Variants in ESR1 observed in about 807,000 individuals in gnomAD.
ESR1 encodes estrogen receptor.
In ESR1, 12 loss-of-function variants were observed where a neutral mutation model predicts 52.7. That is an observed-to-expected ratio of 0.23 (90% CI 0.15 to 0.37). The LOEUF is 0.37. ESR1 is among the 10% of genes least tolerant of loss of function. The probability of loss-of-function intolerance (pLI) is 1.00; values close to 1 mark genes in which losing one functional copy is unlikely to be tolerated. For missense variants in ESR1, 584 were observed against 779.7 expected, an observed-to-expected ratio of 0.75 and a Z score of 2.99; for synonymous variants, 305 against 316.8, an observed-to-expected ratio of 0.96 and a Z score of 0.39.
At chr6:152,006,896 C>T (rs1453969312) in intron 4 of ESR1, among the ~76,000 whole-genome samples, 1 of 152,008 alleles carries the variant, frequency 6.6e-6, no homozygotes, top group Non-Finnish European at 1.5e-5. Flanking sequence ...TTGTAAATAG[C>T]ACTCCTCAGG....
At chr6:151,709,943 CTA>C (rs143049478) in intron 2 of ESR1, among the ~76,000 whole-genome samples, 3,095 of 151,510 alleles carry the variant, frequency 0.02, 35 homozygotes, top group East Asian at 0.032. Context: ...CTAAAAATTT[CTA>C]TGTTTTATTT....
chr6:151,994,529 T>C (rs2041306101), intron 4 of ESR1, among the ~76,000 whole-genome samples: 1 of 152,154 alleles, frequency 6.6e-6, no homozygotes, highest in Non-Finnish European at 1.5e-5. Flanking sequence ...AGATAGACCG[T>C]AAGGGTGAGC....
At chr6:152,009,256 C>A (rs565348198) in intron 4 of ESR1, among the ~76,000 whole-genome samples, 1 of 152,204 alleles carries the variant, frequency 6.6e-6, no homozygotes, top group Non-Finnish European at 1.5e-5. Flanking sequence ...TGGAAAGACA[C>A]CTGCTCTGAG....
At chr6:152,085,659 TC>T (rs1240183325) in intron 6 of ESR1, among the ~76,000 whole-genome samples, 16 of 151,942 alleles carry the variant, frequency 1.1e-4, no homozygotes, top group Admixed American at 9.2e-4. Flanking sequence ...ACACTAGACC[TC>T]TCACAAAGTG....
chr6:151,665,268 G>A (rs746326270), intron 1 of ESR1, among the ~76,000 whole-genome samples: 7 of 152,148 alleles, frequency 4.6e-5, no homozygotes, highest in Non-Finnish European at 1.0e-4. Flanking sequence ...AAAGGTCAGA[G>A]GATTCACAGG....
chr6:152,072,870 G>A (rs1562754322), intron 6 of ESR1, among the ~76,000 whole-genome samples: 3 of 152,222 alleles, frequency 2.0e-5, no homozygotes, highest in Admixed American at 6.5e-5. Flanking sequence ...TCCTTGAATA[G>A]CAAGTATTAA....
At chr6:151,877,172 A>G (rs1280569266) in intron 2 of ESR1, among the ~76,000 whole-genome samples, 1 of 152,196 alleles carries the variant, frequency 6.6e-6, no homozygotes, top group Non-Finnish European at 1.5e-5. Flanking sequence ...CAGGTTAGTT[A>G]CATATGTATA....
At chr6:152,124,570 T>C (rs1007459087) in intron 6 of ESR1, among the ~76,000 whole-genome samples, 2 of 152,216 alleles carry the variant, frequency 1.3e-5, no homozygotes, top group African/African-American at 4.8e-5. Flanking sequence ...TGTTTTTGTC[T>C]TCTACTGATT....
intron 2 of ESR1, among the ~76,000 whole-genome samples, chr6:151,795,010 G>C (rs1000082288): frequency 5.9e-5 from 9 of 152,108 alleles, no homozygotes; most frequent in African/African-American, 2.2e-4. Context: ...CCCGGGAATT[G>C]TCAACTATGG....
chr6:151,686,506 A>C (rs1778684050), upstream of ESR1, among the ~76,000 whole-genome samples: 1 of 152,190 alleles, frequency 6.6e-6, no homozygotes, highest in African/African-American at 2.4e-5. Context: ...TAACATGGTG[A>C]AACCCCGTCT....
chr6:151,754,555 T>C (rs1202284889), intron 2 of ESR1, among the ~76,000 whole-genome samples: 1 of 152,226 alleles, frequency 6.6e-6, no homozygotes. Context: ...AAATCCGATG[T>C]CACTTTTCAG....
chr6:151,766,633 G>A (rs888422573), intron 2 of ESR1, among the ~76,000 whole-genome samples: 2 of 152,026 alleles, frequency 1.3e-5, no homozygotes, highest in Non-Finnish European at 2.9e-5. Flanking sequence ...ACTATGGCAA[G>A]TATAATGTCT....
chr6:151,941,923 T>A (rs1042546993), intron 3 of ESR1, among the ~76,000 whole-genome samples: 1 of 152,250 alleles, frequency 6.6e-6, no homozygotes, highest in Non-Finnish European at 1.5e-5. Context: ...GTTTCCTCCA[T>A]GTTTTCCTTT....
chr6:151,689,711 C>T (rs536113042), upstream of ESR1, among the ~76,000 whole-genome samples: 1 of 152,254 alleles, frequency 6.6e-6, no homozygotes, highest in South Asian at 2.1e-4. Context: ...GCCTCCGCCC[C>T]ATTCTACCAT....
At chr6:151,671,213 A>G (rs1778045407) in intron 1 of ESR1, among the ~76,000 whole-genome samples, 1 of 152,204 alleles carries the variant, frequency 6.6e-6, no homozygotes, top group African/African-American at 2.4e-5. Context: ...AATCAGTGTC[A>G]AAGGTTTCTC....
intron 2 of ESR1, among the ~76,000 whole-genome samples, chr6:151,765,808 C>A (rs1379180322): frequency 6.6e-6 from 1 of 152,192 alleles, no homozygotes; most frequent in Non-Finnish European, 1.5e-5. Flanking sequence ...AAAACAATCT[C>A]TCAGCCTCTA....
intron 1 of ESR1, among the ~76,000 whole-genome samples, chr6:151,696,399 G>A (rs1779342450): frequency 6.6e-6 from 1 of 152,004 alleles, no homozygotes; most frequent in African/African-American, 2.4e-5. Flanking sequence ...TTGAACCTGG[G>A]AGGCGGAGGT....
intron 4 of ESR1, among the ~76,000 whole-genome samples, chr6:151,994,636 A>T (rs538584695): frequency 6.6e-6 from 1 of 152,290 alleles, no homozygotes; most frequent in African/African-American, 2.4e-5. Context: ...AGTGTCCAAA[A>T]TGAGTCTCTT....
chr6:151,858,201 A>G (rs1788224797), intron 2 of ESR1, among the ~76,000 whole-genome samples: 1 of 152,216 alleles, frequency 6.6e-6, no homozygotes, highest in Admixed American at 6.5e-5. Flanking sequence ...CAGGTAGCTG[A>G]GGCCAATACA....
Sources: allele counts gnomAD v4.1 joint callset (sites outside exome capture counted in the v4.1 genomes callset), GRCh38; gene constraint gnomAD v4.1.1; transcripts MANE v1.5; gene names NCBI Gene and HGNC (gene_info 2026-07-23, HGNC 2026-07-21).